The following HK2 variants were observed in gnomAD, a reference collection of about 807,000 sequenced individuals.
The protein encoded by HK2 is hexokinase-2.
HK2 carries 42 observed loss-of-function variants against 92.9 expected under a neutral mutation model. The ratio of observed to expected loss-of-function variants is 0.45; its 90% CI spans 0.35 to 0.58. HK2 has a LOEUF of 0.58. Among genes scored for constraint, HK2 ranks in the 20% least tolerant of loss-of-function variants. HK2 has a pLI of 0.00. For missense variants in HK2, 978 were observed against 1,245.1 expected (o/e 0.79, Z 3.23); for synonymous variants, 422 against 468.0 (o/e 0.90, Z 1.27).
chr2:74,884,240 G>A (rs1327062817), intron 12 of HK2, among the ~76,000 whole-genome samples: 2 of 152,188 alleles, frequency 1.3e-5, no homozygotes, highest in Non-Finnish European at 2.9e-5. Context: ...GCACGTGTTA[G>A]GTCTAGAGCC....
Position 74,873,971 on chromosome 2 carries a change from C to T in HK2, c.691+28C>T, listed in dbSNP as rs371067874. 254 of 1,547,168 alleles carry T rather than the reference C, an allele frequency of 1.6e-4. 2 individuals are homozygous for T. Among genetic ancestry groups the T allele is most frequent in the South Asian group, 1.1e-3 (101 of 89,502 alleles). ...GAGTGAACACCGTGCATGAAGGGCC[C>T]GTGCTGGCCAAGGGATGGGGGTGTG... On this transcript the variant is annotated intron_variant, in intron 6 of 17. Transcript: ENST00000290573.
At chr2:74,860,590 G>A (rs148498008) in intron 2 of HK2, among the ~76,000 whole-genome samples, 24 of 152,148 alleles carry the variant, frequency 1.6e-4, no homozygotes, top group Non-Finnish European at 2.4e-4. Context: ...TCAGTGTCTC[G>A]TTCCTTTTGG....
intron 17 of HK2, 102 bp from the exon 18 acceptor site, chr2:74,890,693 TTC>T: frequency 8.1e-7 from 1 of 1,229,618 alleles, no homozygotes; most frequent in Non-Finnish European, 1.2e-6. Context: ...TCTTAATTAT[TTC>T]TGTGTTTCCA....
chr2:74,838,327 G>A (rs1335400249), intron 1 of HK2, among the ~76,000 whole-genome samples: 2 of 152,102 alleles, frequency 1.3e-5, no homozygotes, highest in Non-Finnish European at 2.9e-5. Flanking sequence ...GAGCTGGGCA[G>A]GGCCAGCTAG....
chr2:74,888,283 T>A (rs1282490855), intron 16 of HK2, among the ~76,000 whole-genome samples: 3 of 152,266 alleles, frequency 2.0e-5, no homozygotes, highest in Non-Finnish European at 4.4e-5. Flanking sequence ...TGGCCTGAGG[T>A]CATGCAAAGT....
At chr2:74,856,609 A>G (rs1460572774) in intron 2 of HK2, among the ~76,000 whole-genome samples, 5 of 152,176 alleles carry the variant, frequency 3.3e-5, no homozygotes, top group Non-Finnish European at 1.5e-5. Flanking sequence ...CTAAATACAT[A>G]TGGGCTAAGG....
chr2:74,864,317 C>G (rs145903538), intron 2 of HK2, among the ~76,000 whole-genome samples: 29 of 152,330 alleles, frequency 1.9e-4, no homozygotes, highest in African/African-American at 6.7e-4. Context: ...CTACTCTGGA[C>G]ATGCCATTTT....
intron 2 of HK2, among the ~76,000 whole-genome samples, chr2:74,862,459 C>T (rs1257676136): frequency 1.3e-5 from 2 of 152,224 alleles, no homozygotes; most frequent in African/African-American, 4.8e-5. Context: ...GAAAGTTGTG[C>T]TGGGGAGATA....
rs1689173338 is a variant in HK2 at position 74,874,341 on chromosome 2, G to T, written c.767G>T (p.Cys256Phe). The T allele has an allele frequency of 6.2e-7, 1 of 1,614,184 alleles. No individual in the cohort carries two copies. The highest frequency in any genetic ancestry group is 8.5e-7 in the Non-Finnish European group (1 of 1,180,028). Residue 256 changes from cysteine to phenylalanine, a missense_variant, in exon 7 of 18, where the codon TGT becomes TTT. Coordinates refer to ENST00000290573, the MANE Select transcript of HK2 (RefSeq NM_000189.5). ...DMVEGDEGRM[C>F]INMEWGAFGD... ...GTGGAAGGCGATGAGGGGCGGATGT[G>T]TATCAATATGGAGTGGGGGGCCTTC...
chr2:74,848,671 T>C (rs551843182), intron 1 of HK2, among the ~76,000 whole-genome samples: 2 of 152,308 alleles, frequency 1.3e-5, no homozygotes, highest in Admixed American at 6.5e-5. Context: ...CTTGAGTACC[T>C]TACTCAAGGT....
At chr2:74,838,342 A>G (rs1193269981) in intron 1 of HK2, among the ~76,000 whole-genome samples, 1 of 152,088 alleles carries the variant, frequency 6.6e-6, no homozygotes, top group Non-Finnish European at 1.5e-5. Context: ...AGCTAGTCTT[A>G]GGCTAAAGGG....
chr2:74,891,029 AC>A lies in HK2; in HGVS notation c.*92del, dbSNP rs1337980914. 2 of 1,504,186 alleles carry A rather than the reference AC, an allele frequency of 1.3e-6. No individual in the cohort carries two copies. Among genetic ancestry groups the A allele is most frequent in the Non-Finnish European group, 1.8e-6 (2 of 1,111,208 alleles). The allele number at this position is 1,504,186 out of a possible 1,614,324, so 93.2% of individuals were successfully genotyped here. ...TGTCATCCCCTTGTGTCAGAGACAG[AC>A]CCCTTGGCTTTTGCTTGGCAGAGAG... is the stretch of plus-strand genomic sequence containing the variant. On this transcript the variant is annotated 3_prime_UTR_variant, in exon 18 of 18. Transcript: ENST00000290573.
rs1688116998 is a variant in HK2 at position 74,834,933 on chromosome 2, G to A, written c.63+290G>A. Among the ~76,000 whole-genome samples the A allele has an allele frequency of 6.6e-6, 1 of 152,198 alleles. No homozygotes were observed. Among genetic ancestry groups the A allele is most frequent in the Non-Finnish European group, 1.5e-5 (1 of 68,032 alleles). ...CCCCAGTCCCTTTTTCCCTGTTACT[G>A]GAGGGGCGGGTCACCCCGCAGGTAG... On this transcript the variant is annotated intron_variant, in intron 1 of 17. Coordinates refer to ENST00000290573, the MANE Select transcript of HK2 (RefSeq NM_000189.5). The surrounding 1 kb of genome is among the most constrained non-coding windows in gnomAD (Gnocchi z 4.2).
rs537635731 is a variant in HK2 at position 74,837,418 on chromosome 2, C to T, written c.63+2775C>T. Among the ~76,000 whole-genome samples, 7 of 152,354 alleles carry T rather than the reference C, an allele frequency of 4.6e-5. No individual in the cohort carries two copies. In the South Asian group the frequency reaches 1.2e-3, roughly 27 times the overall value. On this transcript the variant is annotated intron_variant, in intron 1 of 17. Coordinates refer to ENST00000290573, the MANE Select transcript of HK2 (RefSeq NM_000189.5). ...TGGTTTGATCAGTGGCACCAGTACCCTCTGGCTACTCCAGCTGAGAGTCCT... is the reference window on the plus strand; with the variant it reads ...TGGTTTGATCAGTGGCACCAGTACCTTCTGGCTACTCCAGCTGAGAGTCCT...
At chr2:74,850,693 C>T (rs1214666721) in intron 1 of HK2, among the ~76,000 whole-genome samples, 1 of 152,168 alleles carries the variant, frequency 6.6e-6, no homozygotes, top group Non-Finnish European at 1.5e-5. Context: ...CTGAAAATTG[C>T]ATTCATCTCC....
At chr2:74,862,731 C>G (rs1221028564) in intron 2 of HK2, among the ~76,000 whole-genome samples, 2 of 152,216 alleles carry the variant, frequency 1.3e-5, no homozygotes, top group Non-Finnish European at 2.9e-5. Flanking sequence ...AGCCTCAGTA[C>G]AGCAGATGGC....
chr2:74,881,371 C>T (rs777996337), intron 10 of HK2, among the ~76,000 whole-genome samples: 9 of 152,190 alleles, frequency 5.9e-5, no homozygotes, highest in Non-Finnish European at 1.3e-4. Flanking sequence ...GGTCGTATGG[C>T]CCCGGGCAAG....
chr2:74,881,893 T>C, intron 11 of HK2, 34 bp downstream of exon 11: 1 of 1,609,870 alleles, frequency 6.2e-7, no homozygotes, highest in South Asian at 1.1e-5. Flanking sequence ...AGGGGGCCCC[T>C]GGTGGACGTC....
intron 16 of HK2, 58 bp from the exon 17 acceptor site, chr2:74,889,187 T>G: frequency 7.1e-7 from 1 of 1,414,534 alleles, no homozygotes; most frequent in African/African-American, 1.4e-5. Flanking sequence ...CCTGGTGTGG[T>G]AGGCTACCAG....
Sources: gnomAD v4.1 joint callset for allele counts (sites outside exome capture counted in the v4.1 genomes callset) on GRCh38, gnomAD v4.1.1 for gene constraint, Gnocchi (gnomAD v3.1) non-coding constraint, MANE v1.5 for transcripts, NCBI Gene and HGNC (gene_info 2026-07-23, HGNC 2026-07-21) for gene names.